Variants in RFC3 observed in about 807,000 individuals in gnomAD.
RFC3 encodes the protein A1 38 kDa subunit.
A neutral mutation model predicts 45.1 loss-of-function variants in RFC3; 41 were observed. The observed-to-expected ratio is 0.91, with a 90% confidence interval of 0.71 to 1.18. The LOEUF (loss-of-function observed/expected upper bound fraction) is 1.18. Ranked by LOEUF, RFC3 falls within the 50% of genes most tolerant of loss-of-function variation. The probability of loss-of-function intolerance (pLI) is 0.00; values close to 1 mark genes in which losing one functional copy is unlikely to be tolerated. For synonymous variants in RFC3, 149 were observed against 144.0 expected (o/e 1.03, Z -0.25); for missense variants, 423 against 428.1 (o/e 0.99, Z 0.10).
chr13:33,910,503 A>G (rs1185762841), intron 8 of RFC3, among the ~76,000 whole-genome samples: 2 of 152,128 alleles, frequency 1.3e-5, no homozygotes, highest in Non-Finnish European at 2.9e-5. Context: ...ACAGTGTAAC[A>G]AATGTCAGTG....
intron 6 of RFC3, 100 bp downstream of exon 6, chr13:33,830,955 G>T: frequency 2.1e-6 from 2 of 931,650 alleles, no homozygotes; most frequent in Non-Finnish European, 3.2e-6. Flanking sequence ...GGACTGGGCA[G>T]GGGTGGGGGA....
chr13:33,976,156 A>T, the RFC3 span, among the ~76,000 whole-genome samples: 1 of 152,230 alleles, frequency 6.6e-6, no homozygotes, highest in Admixed American at 6.6e-5. Context: ...GCATTGGATT[A>T]TAAACATATG....
intron 8 of RFC3, among the ~76,000 whole-genome samples, chr13:33,881,479 GCAT>G (rs2082483730): frequency 6.6e-6 from 1 of 152,046 alleles, no homozygotes; most frequent in Non-Finnish European, 1.5e-5. Flanking sequence ...TCACATTCTT[GCAT>G]CATTCTGGCT....
At chr13:33,848,646 A>G (rs1032630971) in intron 8 of RFC3, 3 of 152,098 alleles carry the variant, frequency 2.0e-5, no homozygotes, top group African/African-American at 7.2e-5. Flanking sequence ...TATCCCTTGT[A>G]GATGGATGTT....
intron 8 of RFC3, among the ~76,000 whole-genome samples, chr13:33,862,013 G>A (rs78255357): frequency 0.012 from 1,766 of 152,306 alleles, 38 homozygotes; most frequent in African/African-American, 0.04. Flanking sequence ...AGATGATACA[G>A]TAATTCACAG....
intron 8 of RFC3, among the ~76,000 whole-genome samples, chr13:33,894,659 G>C (rs2082585634): frequency 6.6e-6 from 1 of 152,150 alleles, no homozygotes; most frequent in Non-Finnish European, 1.5e-5. Flanking sequence ...TTTGGGTTCT[G>C]AGCGCAGATT....
intron 8 of RFC3, among the ~76,000 whole-genome samples, chr13:33,943,316 A>G (rs921909875): frequency 1.3e-5 from 2 of 152,192 alleles, no homozygotes; most frequent in African/African-American, 4.8e-5. Context: ...CCTACAGGAA[A>G]TAGAAGCCTG....
intron 8 of RFC3, among the ~76,000 whole-genome samples, chr13:33,868,123 G>A (rs1363750771): frequency 6.6e-6 from 1 of 152,178 alleles, no homozygotes; most frequent in African/African-American, 2.4e-5. Flanking sequence ...ATCATATGAG[G>A]CATAAGTGTT....
intron 8 of RFC3, among the ~76,000 whole-genome samples, chr13:33,954,429 A>G (rs116841193): frequency 0.01 from 1,566 of 152,328 alleles, 9 homozygotes; most frequent in Non-Finnish European, 0.015. Context: ...CAGTGCTTGG[A>G]CTATGATAAT....
intron 8 of RFC3, among the ~76,000 whole-genome samples, chr13:33,936,498 G>C (rs2137788027): frequency 6.6e-6 from 1 of 152,210 alleles, no homozygotes; most frequent in African/African-American, 2.4e-5. Flanking sequence ...GTTAAGGTGA[G>C]GCTATTAGGA....
chr13:33,850,174 T>C (rs1019967161), intron 8 of RFC3: 2 of 152,172 alleles, frequency 1.3e-5, no homozygotes, highest in Non-Finnish European at 2.9e-5. Context: ...TAGGTATGCA[T>C]TTTCCATTTC....
chr13:33,881,734 A>G, intron 8 of RFC3, among the ~76,000 whole-genome samples: 1 of 151,970 alleles, frequency 6.6e-6, no homozygotes, highest in South Asian at 2.1e-4. Context: ...CAGTTCTCTC[A>G]GTCCCGTGCT....
intron 8 of RFC3, among the ~76,000 whole-genome samples, chr13:33,883,766 C>T (rs1260705610): frequency 6.6e-6 from 1 of 152,104 alleles, no homozygotes; most frequent in African/African-American, 2.4e-5. Context: ...GGGAACAATA[C>T]ACACTGAGGC....
chr13:33,951,174 T>G (rs1172659276), intron 8 of RFC3, among the ~76,000 whole-genome samples: 7 of 151,728 alleles, frequency 4.6e-5, no homozygotes, highest in Admixed American at 4.6e-4. Flanking sequence ...TGTTAGTTTC[T>G]TAATGGAAGA....
chr13:33,867,009 T>C (rs1288574679), intron 8 of RFC3, among the ~76,000 whole-genome samples: 1 of 152,188 alleles, frequency 6.6e-6, no homozygotes, highest in East Asian at 1.9e-4. Context: ...TTGGCAAATA[T>C]CTTCATAAGT....
intron 8 of RFC3, among the ~76,000 whole-genome samples, chr13:33,851,321 A>G (rs1419015680): frequency 6.6e-6 from 1 of 152,196 alleles, no homozygotes; most frequent in Non-Finnish European, 1.5e-5. Context: ...TCAACCCGTC[A>G]CAGTTGAAAA....
intron 8 of RFC3, chr13:33,850,110 A>G (rs1001452407): frequency 2.0e-5 from 3 of 152,220 alleles, no homozygotes; most frequent in Non-Finnish European, 2.9e-5. Context: ...TTAAAAAATC[A>G]AATTTGATCT....
At chr13:33,884,119 A>G (rs774635262) in intron 8 of RFC3, among the ~76,000 whole-genome samples, 6 of 152,204 alleles carry the variant, frequency 3.9e-5, no homozygotes, top group African/African-American at 7.2e-5. Context: ...ATCAAAATGT[A>G]CTGAACCACC....
At chr13:33,847,596 AT>A (rs766564136) in intron 8 of RFC3, 7 of 152,030 alleles carry the variant, frequency 4.6e-5, no homozygotes, top group East Asian at 1.9e-4. Context: ...AAAAAAAAAA[AT>A]CATTCATATA....
Sources: allele counts gnomAD v4.1 joint callset (sites outside exome capture counted in the v4.1 genomes callset), GRCh38; gene constraint gnomAD v4.1.1; transcripts MANE v1.5; gene names NCBI Gene and HGNC (gene_info 2026-07-23, HGNC 2026-07-21).